The following ABCA12 variants were observed in gnomAD, a reference collection of about 807,000 sequenced individuals.
The protein encoded by ABCA12 is ATP binding cassette subfamily A member 12.
Under a neutral mutation model 293.5 loss-of-function variants are expected in ABCA12, and 156 were observed. The observed-to-expected ratio is 0.53, with a 90% CI of 0.47 to 0.61. ABCA12 has a LOEUF of 0.61. Ranked by LOEUF, ABCA12 falls within the 20% of genes least tolerant of loss-of-function variation. ABCA12 has a pLI of 0.00. For missense variants in ABCA12, 2,797 were observed against 3,090.2 expected (o/e 0.91, Z 2.25); for synonymous variants, 1,063 against 1,108.0 (o/e 0.96, Z 0.81).
At chr2:215,095,233 A>T (rs1702226726) in intron 2 of ABCA12, among the ~76,000 whole-genome samples, 1 of 152,128 alleles carries the variant, frequency 6.6e-6, no homozygotes, top group Non-Finnish European at 1.5e-5. Flanking sequence ...ACATAAAAAA[A>T]CTCAAAGATA....
At chr2:215,023,203 T>C (rs1234988439) in intron 11 of ABCA12, 1 of 152,166 alleles carries the variant, frequency 6.6e-6, no homozygotes, top group Non-Finnish European at 1.5e-5. Flanking sequence ...CTCTAGGAGT[T>C]TGTCTTCATT....
rs183246191 is a variant in ABCA12 at position 214,970,657 on chromosome 2, T to C, written c.5563-257A>G. Among the ~76,000 whole-genome samples the C allele has an allele frequency of 1.8e-4, 27 of 152,246 alleles. No homozygotes were observed. The East Asian group carries it at 4.2e-3, about 24-fold the overall frequency. On this transcript the variant is annotated intron_variant, in intron 36 of 52. Transcript: ENST00000272895. ...ACTTAAAGGCCTGGAAGAACACAAG[T>C]TAACAAATGTGTGATATTTCCTTCA...
At chr2:215,053,633 CT>C (rs34066830) in intron 4 of ABCA12, among the ~76,000 whole-genome samples, 10 of 148,958 alleles carry the variant, frequency 6.7e-5, no homozygotes, top group South Asian at 2.1e-4. Flanking sequence ...TAACATAGGA[CT>C]TTTTTTTTTA....
At chr2:215,007,511 T>C (rs1023658156) in intron 19 of ABCA12, among the ~76,000 whole-genome samples, 1 of 152,208 alleles carries the variant, frequency 6.6e-6, no homozygotes, top group Non-Finnish European at 1.5e-5. Flanking sequence ...TTCTCTGAAT[T>C]ACAGACAGAG....
At chr2:214,994,019 C>G (rs1422942195) in intron 23 of ABCA12, among the ~76,000 whole-genome samples, 2 of 152,054 alleles carry the variant, frequency 1.3e-5, no homozygotes, top group Non-Finnish European at 2.9e-5. Context: ...TTAGGTGCTT[C>G]CAAAAGCATT....
intron 7 of ABCA12, among the ~76,000 whole-genome samples, chr2:215,037,370 A>G (rs1701015481): frequency 6.6e-6 from 1 of 152,208 alleles, no homozygotes; most frequent in Admixed American, 6.5e-5. Context: ...AGTAGTTAGG[A>G]AAAGCAACTT....
At chr2:215,134,149 T>G (rs1208857211) in intron 1 of ABCA12, among the ~76,000 whole-genome samples, 2 of 151,806 alleles carry the variant, frequency 1.3e-5, no homozygotes, top group Non-Finnish European at 2.9e-5. Flanking sequence ...AAACTAAATA[T>G]TTAGCTTATG....
At chr2:215,045,045 ACT>A (rs1324280222) in intron 7 of ABCA12, among the ~76,000 whole-genome samples, 1 of 152,184 alleles carries the variant, frequency 6.6e-6, no homozygotes, top group Non-Finnish European at 1.5e-5. Flanking sequence ...TAAAATAAAT[ACT>A]GTTTGTTGTA....
intron 1 of ABCA12, 85 bp from the exon 2 acceptor site, chr2:215,111,775 TATA>T: frequency 2.1e-6 from 2 of 950,952 alleles, no homozygotes; most frequent in East Asian, 2.4e-5. Flanking sequence ...TATGTCATAC[TATA>T]ATATTTCAAC....
chr2:215,065,156 C>A (rs1266066521), intron 2 of ABCA12, among the ~76,000 whole-genome samples: 1 of 151,514 alleles, frequency 6.6e-6, no homozygotes. Context: ...CTGGGAAATA[C>A]ACATCTTTTC....
chr2:215,064,094 C>T lies in ABCA12; in HGVS notation c.289G>A (p.Gly97Arg), dbSNP rs766124165. 11 of 1,612,862 alleles carry T rather than the reference C, an allele frequency of 6.8e-6. 1 individual carries two copies. In the South Asian group the frequency reaches 1.2e-4, roughly 18 times the overall value. Reference sequence around the variant, plus strand: ...TCTTTAAATAGTGCATCATCAATTCCTTTCCTACGAAGCAGATCTTGTGGG... The same window carrying T: ...TCTTTAAATAGTGCATCATCAATTCTTTTCCTACGAAGCAGATCTTGTGGG... The part of the protein sequence containing the change: ...YGPQDLLRRK[G>R]IDDALFKDSE... The change falls in exon 3 of 53, where the codon GGA becomes AGA. Residue 97 changes from glycine (G) to arginine (R), a missense_variant. Gly to Arg is a moderately radical substitution (Grantham distance 125). Around this residue, in one of 3 missense-constraint regions of ABCA12, gnomAD observed 656 missense variants for 638.2 expected, o/e 1.03. Coordinates refer to ENST00000272895, the MANE Select transcript of ABCA12 (RefSeq NM_173076.3).
chr2:215,065,909 C>T (rs1467344534), intron 2 of ABCA12, among the ~76,000 whole-genome samples: 2 of 152,090 alleles, frequency 1.3e-5, no homozygotes, highest in African/African-American at 4.8e-5. Context: ...TTGGAGAGAA[C>T]TGAAGCCCAC....
At chr2:215,127,856 T>C (rs781049263) in intron 1 of ABCA12, among the ~76,000 whole-genome samples, 9 of 152,104 alleles carry the variant, frequency 5.9e-5, no homozygotes, top group Non-Finnish European at 1.0e-4. Context: ...GTACTTTCTT[T>C]ATTTTGCTTT....
intron 44 of ABCA12, among the ~76,000 whole-genome samples, chr2:214,951,485 A>G (rs6758451): frequency 0.98 from 149,927 of 152,330 alleles, 73,837 homozygotes; most frequent in East Asian, 1. Flanking sequence ...CCTTTCATCC[A>G]GGTGTAGTGG....
chr2:215,035,462 G>C (rs1257300817), intron 8 of ABCA12, among the ~76,000 whole-genome samples: 1 of 151,968 alleles, frequency 6.6e-6, no homozygotes. Flanking sequence ...GAGGTCAGGA[G>C]TTCAAGACCA....
In ABCA12 at chr2:215,028,484, C is replaced by T. The variant is rs527641789; in HGVS notation, c.1062-1546G>A. On this transcript the variant is annotated intron_variant, in intron 9 of 52. Coordinates refer to ENST00000272895, the MANE Select transcript of ABCA12 (RefSeq NM_173076.3). The stretch of plus-strand genomic sequence containing the variant: ...ATAGGCATTTCCTTGACTAGAGACT[C>T]TTGGTAATACTATATTTGGTGGACT... Among the ~76,000 whole-genome samples, 15 of 152,226 alleles carry T rather than the reference C, an allele frequency of 9.9e-5. No homozygotes were observed. The South Asian group carries it at 3.1e-3, about 32-fold the overall frequency.
At chr2:215,125,166 C>T (rs1702895858) in intron 1 of ABCA12, among the ~76,000 whole-genome samples, 1 of 152,108 alleles carries the variant, frequency 6.6e-6, no homozygotes, top group Non-Finnish European at 1.5e-5. Context: ...GTCTATGTGC[C>T]TATTTTTATA....
At chr2:215,001,423 T>C (rs1226046305) in intron 21 of ABCA12, 135 bp downstream of exon 21, 2 of 1,049,898 alleles carry the variant, frequency 1.9e-6, no homozygotes, top group African/African-American at 1.6e-5. Context: ...CATGAAAGGT[T>C]CTCTTTTCTA....
At chr2:215,131,270 C>T (rs1203701603) in intron 1 of ABCA12, among the ~76,000 whole-genome samples, 2 of 151,914 alleles carry the variant, frequency 1.3e-5, no homozygotes, top group South Asian at 2.1e-4. Context: ...AGGGAGCCCT[C>T]CTCTTCGATT....
Sources: gnomAD v4.1 joint callset for allele counts (sites outside exome capture counted in the v4.1 genomes callset) on GRCh38, gnomAD v4.1.1 for gene constraint, gnomAD v4.1.1 regional missense constraint, MANE v1.5 for transcripts, NCBI Gene and HGNC (gene_info 2026-07-23, HGNC 2026-07-21) for gene names.